The following MCF2L2 variants were observed in gnomAD, a reference collection of about 807,000 sequenced individuals.
MCF2L2 encodes the protein probable guanine nucleotide exchange factor MCF2L2.
A neutral mutation model predicts 150.2 loss-of-function variants in MCF2L2; 102 were observed. The observed-to-expected ratio is 0.68, with a 90% CI of 0.58 to 0.80. MCF2L2 has a LOEUF of 0.80. Ranked by LOEUF, MCF2L2 falls within the 30% of genes least tolerant of loss-of-function variation. The pLI is 0.00. For missense variants in MCF2L2, 1,256 were observed against 1,372.8 expected (o/e 0.91, Z 1.34); for synonymous variants, 465 against 491.3 (o/e 0.95, Z 0.71).
intron 5 of MCF2L2, among the ~76,000 whole-genome samples, chr3:183,332,295 G>C (rs1198399001): frequency 1.3e-5 from 2 of 152,142 alleles, no homozygotes; most frequent in Non-Finnish European, 2.9e-5. Context: ...GAGTGAACTT[G>C]CATTAAAGAA....
intron 3 of MCF2L2, among the ~76,000 whole-genome samples, chr3:183,369,626 C>T (rs904486936): frequency 1.3e-5 from 2 of 152,144 alleles, no homozygotes; most frequent in Non-Finnish European, 1.5e-5. Flanking sequence ...TCCCTCTAGA[C>T]CCTCTCTTGA....
At chr3:183,379,980 C>G (rs1044931070) in intron 2 of MCF2L2, among the ~76,000 whole-genome samples, 3 of 151,922 alleles carry the variant, frequency 2.0e-5, no homozygotes, top group Non-Finnish European at 2.9e-5. Context: ...AATGACAGCA[C>G]AAATGAGAAG....
chr3:183,324,155 G>A (rs949207126), intron 5 of MCF2L2, among the ~76,000 whole-genome samples: 12 of 152,198 alleles, frequency 7.9e-5, no homozygotes, highest in Admixed American at 6.5e-4. Flanking sequence ...GGTGCGCCCC[G>A]ATGAAGAATA....
intron 1 of MCF2L2, among the ~76,000 whole-genome samples, chr3:183,393,562 C>G (rs956955658): frequency 6.6e-6 from 1 of 152,162 alleles, no homozygotes; most frequent in Admixed American, 6.5e-5. Flanking sequence ...CAATTTCTAT[C>G]CTGGGCAAAC....
intron 15 of MCF2L2, chr3:183,271,124 T>A: frequency 2.1e-6 from 1 of 486,416 alleles, no homozygotes; most frequent in East Asian, 3.5e-5. Context: ...TTGCCTAAGT[T>A]CATTTCAAAG....
chr3:183,194,683 T>C (rs540571279), intron 26 of MCF2L2, among the ~76,000 whole-genome samples: 1 of 152,316 alleles, frequency 6.6e-6, no homozygotes, highest in African/African-American at 2.4e-5. Flanking sequence ...AAAGATATCC[T>C]AGCTAGCAGT....
chr3:183,232,872 G>A (rs1272879681), intron 15 of MCF2L2, among the ~76,000 whole-genome samples: 1 of 152,116 alleles, frequency 6.6e-6, no homozygotes, highest in Non-Finnish European at 1.5e-5. Flanking sequence ...ACACAATATT[G>A]GTAAAATGTG....
At chr3:183,349,385 GTT>G (rs1731023415) in intron 3 of MCF2L2, among the ~76,000 whole-genome samples, 4 of 152,104 alleles carry the variant, frequency 2.6e-5, no homozygotes, top group Admixed American at 2.6e-4. Context: ...TTGACATACT[GTT>G]TTTGTTATTG....
At chr3:183,212,948 T>C (rs1262989623) in intron 22 of MCF2L2, among the ~76,000 whole-genome samples, 1 of 1,904 alleles carries the variant, frequency 5.3e-4, no homozygotes, top group Non-Finnish European at 1.4e-3. Context: ...ATAGGTATTG[T>C]GGGGGGGTGG....
In MCF2L2 at chr3:183,341,635, AAAG is replaced by A; in HGVS notation, c.276-8_276-6del. ...CCAATGCTGGCAGCCTCCACACTGC[AAAG>A]AAGGGTGGTCAGTGTCAGAGATTAG... On this transcript the variant is annotated splice_polypyrimidine_tract_variant and splice_region_variant and intron_variant, in intron 3 of 29. Transcript: ENST00000328913. The A allele has an allele frequency of 6.2e-7, 1 of 1,604,184 alleles. No individual in the cohort carries two copies. Among genetic ancestry groups the A allele is most frequent in the Non-Finnish European group, 8.5e-7 (1 of 1,170,872 alleles).
chr3:183,422,489 C>T (rs73186927), intron 1 of MCF2L2, among the ~76,000 whole-genome samples: 12,935 of 152,162 alleles, frequency 0.085, 573 homozygotes, highest in African/African-American at 0.096. Context: ...ATTCTCAGCC[C>T]GCTGTACCTG....
intron 15 of MCF2L2, among the ~76,000 whole-genome samples, chr3:183,246,046 CAATA>C (rs903209969): frequency 2.6e-5 from 4 of 152,130 alleles, no homozygotes; most frequent in African/African-American, 4.8e-5. Context: ...CAATATCACA[CAATA>C]AATAATGACA....
intron 15 of MCF2L2, among the ~76,000 whole-genome samples, chr3:183,248,473 G>A (rs923190545): frequency 6.6e-5 from 10 of 152,104 alleles, no homozygotes; most frequent in South Asian, 2.1e-4. Context: ...GATTTGAACC[G>A]TGTACTCTCT....
At chr3:183,232,173 G>A (rs1202461703) in intron 15 of MCF2L2, among the ~76,000 whole-genome samples, 1 of 152,184 alleles carries the variant, frequency 6.6e-6, no homozygotes. Flanking sequence ...CAGATGGAAT[G>A]GAATGTGGGC....
At chr3:183,282,052 C>G (rs1448648231) in intron 14 of MCF2L2, among the ~76,000 whole-genome samples, 1 of 151,748 alleles carries the variant, frequency 6.6e-6, no homozygotes, top group Non-Finnish European at 1.5e-5. Context: ...CAGGCATGAG[C>G]CACCACCCCC....
At chr3:183,364,860 C>G (rs1266849140) in intron 3 of MCF2L2, among the ~76,000 whole-genome samples, 1 of 152,136 alleles carries the variant, frequency 6.6e-6, no homozygotes, top group East Asian at 1.9e-4. Flanking sequence ...AAAACTTAAA[C>G]AGGACCAGTT....
chr3:183,341,657 A>C, intron 3 of MCF2L2, 27 bp from the exon 4 acceptor site: 1 of 1,492,342 alleles, frequency 6.7e-7, no homozygotes, highest in South Asian at 1.1e-5. Context: ...TCAGTGTCAG[A>C]GATTAGGTGA....
At chr3:183,412,284 T>C (rs549193088) in intron 1 of MCF2L2, among the ~76,000 whole-genome samples, 2 of 145,588 alleles carry the variant, frequency 1.4e-5, no homozygotes, top group Admixed American at 6.7e-5. Flanking sequence ...TGTTTGTTTG[T>C]TTGTTTGTTG....
Position 183,351,233 on chromosome 3 carries a change from TA to T in MCF2L2, c.276-9604del, listed in dbSNP as rs1425170197. On this transcript the variant is annotated intron_variant, in intron 3 of 29. Transcript: ENST00000328913. ...ATATATATATATATATATATATATA[TA>T]TATTTATTTATTTATTTATCAGAAC... Among the ~76,000 whole-genome samples the T allele has an allele frequency of 5.5e-3, 492 of 89,932 alleles. 2 individuals are homozygous for T. The highest frequency in any genetic ancestry group is 0.01 in the South Asian group (28 of 2,688). 59.0% of individuals were successfully genotyped at this position (89,932 alleles called of 152,430 possible).
Sources: gnomAD v4.1 joint callset for allele counts (sites outside exome capture counted in the v4.1 genomes callset) on GRCh38, gnomAD v4.1.1 for gene constraint, MANE v1.5 for transcripts, NCBI Gene and HGNC (gene_info 2026-07-23, HGNC 2026-07-21) for gene names.